Variants in TBC1D14 observed in about 807,000 individuals in gnomAD.
TBC1D14 encodes TBC1 domain family member 14.
Under a neutral mutation model 79.0 loss-of-function variants are expected in TBC1D14, and 26 were observed. That is an observed-to-expected ratio of 0.33 (90% CI 0.24 to 0.46). TBC1D14 has a LOEUF of 0.46. TBC1D14 is among the 20% of genes least tolerant of loss of function. TBC1D14 has a pLI of 1.00. For missense variants in TBC1D14, 769 were observed against 887.6 expected (o/e 0.87, Z 1.70); for synonymous variants, 394 against 349.9 (o/e 1.13, Z -1.40).
intron 2 of TBC1D14, among the ~76,000 whole-genome samples, chr4:6,950,161 G>A (rs1271411895): frequency 6.6e-6 from 1 of 152,198 alleles, no homozygotes; most frequent in African/African-American, 2.4e-5. Context: ...AACATGCGGT[G>A]TTTGGTTTTC....
chr4:6,933,034 AT>A (rs1323787745), intron 2 of TBC1D14, among the ~76,000 whole-genome samples: 24 of 151,858 alleles, frequency 1.6e-4, no homozygotes, highest in African/African-American at 5.6e-4. Flanking sequence ...TGAGCTCATC[AT>A]TTCCCTGATT....
At chr4:6,966,832 C>T (rs570998517) in intron 2 of TBC1D14, among the ~76,000 whole-genome samples, 44 of 152,302 alleles carry the variant, frequency 2.9e-4, no homozygotes, top group African/African-American at 8.9e-4. Flanking sequence ...GATTTTGAGA[C>T]GGAGTCTTGC....
intron 1 of TBC1D14, among the ~76,000 whole-genome samples, chr4:6,917,538 G>A (rs913635638): frequency 1.3e-5 from 2 of 152,088 alleles, no homozygotes; most frequent in African/African-American, 4.8e-5. Flanking sequence ...GGCCCCGATG[G>A]CCTACCTGGG....
chr4:6,987,922 C>G (rs1179199544), intron 3 of TBC1D14, among the ~76,000 whole-genome samples: 2 of 152,196 alleles, frequency 1.3e-5, no homozygotes, highest in Non-Finnish European at 2.9e-5. Flanking sequence ...GAGAGTGCTT[C>G]CCAGAATGCC....
At chr4:7,002,167 G>A (rs1297951556) in intron 7 of TBC1D14, among the ~76,000 whole-genome samples, 2 of 152,218 alleles carry the variant, frequency 1.3e-5, no homozygotes. Flanking sequence ...CTGGTGACTG[G>A]CTTCTGTGCG....
At chr4:6,996,129 A>T (rs1577141393) in intron 4 of TBC1D14, among the ~76,000 whole-genome samples, 196 bp from the exon 5 acceptor site, 1 of 152,124 alleles carries the variant, frequency 6.6e-6, no homozygotes, top group African/African-American at 2.4e-5. Context: ...AGCCACATTC[A>T]TTTGTTTTAT....
chr4:6,937,025 C>G (rs1231512279), intron 2 of TBC1D14, among the ~76,000 whole-genome samples: 1 of 152,208 alleles, frequency 6.6e-6, no homozygotes, highest in African/African-American at 2.4e-5. Context: ...TCAAGCGATT[C>G]TCCTGCCTCA....
intron 12 of TBC1D14, among the ~76,000 whole-genome samples, chr4:7,020,896 G>A (rs1220631888): frequency 6.6e-6 from 1 of 152,150 alleles, no homozygotes; most frequent in Admixed American, 6.5e-5. Context: ...GTCCTCCTCT[G>A]TAAAATGGAA....
At chr4:6,967,089 G>A (rs1715767388) in intron 2 of TBC1D14, among the ~76,000 whole-genome samples, 1 of 152,176 alleles carries the variant, frequency 6.6e-6, no homozygotes, top group Non-Finnish European at 1.5e-5. Flanking sequence ...GATTACAGGC[G>A]TGAGCCACTG....
At chr4:6,973,949 G>A (rs1716481418) in intron 3 of TBC1D14, among the ~76,000 whole-genome samples, 1 of 152,012 alleles carries the variant, frequency 6.6e-6, no homozygotes. Context: ...TCAGCCTCCT[G>A]AGTAGCTGGG....
Position 6,969,582 on chromosome 4 carries a change from T to G in TBC1D14, c.843+2158T>G, listed in dbSNP as rs556027496. The stretch of plus-strand genomic sequence containing the variant: ...CACCGCGCCTGGCTAACTTTTTGTA[T>G]TTTTAGTAGAGACGGGGTTTCAACA... On this transcript the variant is annotated intron_variant, in intron 3 of 13. Coordinates refer to ENST00000409757, the MANE Select transcript of TBC1D14 (RefSeq NM_020773.3). 7.9e-5 allele frequency among the ~76,000 whole-genome samples: 12 copies of G among 152,246 alleles called. No homozygotes were observed. In the South Asian group the frequency reaches 2.5e-3, roughly 32 times the overall value.
chr4:7,009,373 G>A (rs930858423), intron 9 of TBC1D14, among the ~76,000 whole-genome samples: 2 of 152,232 alleles, frequency 1.3e-5, no homozygotes, highest in African/African-American at 4.8e-5. Flanking sequence ...TAAACAAAAT[G>A]GTAGCCACCA....
chr4:6,988,229 C>T (rs1039744275), intron 3 of TBC1D14, among the ~76,000 whole-genome samples: 17 of 152,248 alleles, frequency 1.1e-4, no homozygotes, highest in African/African-American at 4.1e-4. Context: ...GTTGCGGACA[C>T]TTTCAGTTTC....
In TBC1D14 at chr4:6,923,663, G is replaced by T; in HGVS notation, c.274G>T (p.Asp92Tyr). 1 of 1,613,852 alleles carries T rather than the reference G, an allele frequency of 6.2e-7. No homozygotes were observed. The highest frequency in any genetic ancestry group is 8.5e-7 in the Non-Finnish European group (1 of 1,180,030). Reference sequence around the variant, plus strand: ...GGTCCACGTGAGGAGGAAGCAGTCCGACTCCGACCTCATCCCCGAGCGGGC... The same window carrying T: ...GGTCCACGTGAGGAGGAAGCAGTCCTACTCCGACCTCATCCCCGAGCGGGC... ...SAVHVRRKQS[D>Y]SDLIPERAFQ... is the part of the protein sequence containing the mutation. Residue 92 changes from aspartate (D) to tyrosine (Y), a missense_variant, in exon 2 of 14, where the codon GAC becomes TAC. This residue lies in a region of TBC1D14 where 402 missense variants were observed against 393.2 expected (regional missense o/e 1.02). Coordinates refer to ENST00000409757, the MANE Select transcript of TBC1D14 (RefSeq NM_020773.3).
intron 1 of TBC1D14, among the ~76,000 whole-genome samples, chr4:6,915,897 C>T (rs1270406992): frequency 6.6e-6 from 1 of 151,734 alleles, no homozygotes; most frequent in African/African-American, 2.4e-5. Context: ...GGCAGATCAC[C>T]TGAGGTCAGG....
chr4:6,968,271 G>A (rs982537996), intron 3 of TBC1D14, among the ~76,000 whole-genome samples: 6 of 152,178 alleles, frequency 3.9e-5, no homozygotes, highest in Non-Finnish European at 8.8e-5. Flanking sequence ...GCCCAACAGT[G>A]TCCCCATGGA....
intron 3 of TBC1D14, among the ~76,000 whole-genome samples, chr4:6,981,322 C>T (rs1717359362): frequency 6.6e-6 from 1 of 152,116 alleles, no homozygotes; most frequent in Non-Finnish European, 1.5e-5. Flanking sequence ...ACTGCACCAG[C>T]CACATAAATT....
intron 7 of TBC1D14, 71 bp from the exon 8 acceptor site, chr4:7,004,773 A>T: frequency 2.2e-6 from 3 of 1,361,720 alleles, no homozygotes; most frequent in Non-Finnish European, 3.2e-6. Context: ...AGGAAATAGT[A>T]CTGTGTTCTG....
At chr4:6,999,680 C>T (rs996687670) in intron 6 of TBC1D14, among the ~76,000 whole-genome samples, 1 of 152,074 alleles carries the variant, frequency 6.6e-6, no homozygotes, top group Non-Finnish European at 1.5e-5. Flanking sequence ...CTGGAGTGCT[C>T]TTGTCCTGTA....
Sources: gnomAD v4.1 joint callset for allele counts (sites outside exome capture counted in the v4.1 genomes callset) on GRCh38, gnomAD v4.1.1 for gene constraint, gnomAD v4.1.1 regional missense constraint, MANE v1.5 for transcripts, NCBI Gene and HGNC (gene_info 2026-07-23, HGNC 2026-07-21) for gene names.